The following ACTR3B variants were observed in gnomAD, a reference collection of about 807,000 sequenced individuals.
ACTR3B encodes actin-related protein 3B.
A neutral mutation model predicts 59.0 loss-of-function variants in ACTR3B; 8 were observed. The ratio of observed to expected loss-of-function variants is 0.14; its 90% CI spans 0.08 to 0.24. The LOEUF is 0.24. ACTR3B is among the 10% of genes least tolerant of loss of function. The probability of loss-of-function intolerance (pLI) is 1.00; values close to 1 mark genes in which losing one functional copy is unlikely to be tolerated. For synonymous variants in ACTR3B, 148 were observed against 197.9 expected, an observed-to-expected ratio of 0.75 and a Z score of 2.12; for missense variants, 245 against 552.3, an observed-to-expected ratio of 0.44 and a Z score of 5.58.
chr7:152,835,696 C>A lies in ACTR3B; in HGVS notation c.951+10574C>A, dbSNP rs148963719. 6.3e-4 allele frequency among the ~76,000 whole-genome samples: 96 copies of A among 152,298 alleles called. 1 individual carries two copies. The highest frequency in any genetic ancestry group is 2.2e-3 in the African/African-American group (92 of 41,566). ...GTCTTCTAGTGAGGCGTCCTGACCA[C>A]CCTGCTCTAGACTGCACCTCGGCGC... On this transcript the variant is annotated intron_variant, in intron 9 of 11. Coordinates refer to ENST00000256001, the MANE Select transcript of ACTR3B (RefSeq NM_020445.6).
intron 1 of ACTR3B, among the ~76,000 whole-genome samples, chr7:152,775,867 T>C (rs1231084584): frequency 1.3e-5 from 2 of 152,212 alleles, no homozygotes; most frequent in Non-Finnish European, 2.9e-5. Context: ...AATGAGGTAG[T>C]GTAAGACTTC....
chr7:152,786,732 G>T (rs2098176027), intron 2 of ACTR3B, among the ~76,000 whole-genome samples: 1 of 151,606 alleles, frequency 6.6e-6, no homozygotes. Context: ...CTTTCCTCTG[G>T]TGGATATTTT....
chr7:152,767,273 C>G (rs1425681215), intron 1 of ACTR3B, among the ~76,000 whole-genome samples: 3 of 152,166 alleles, frequency 2.0e-5, no homozygotes. Context: ...ACTGGAGATG[C>G]TGCCTTTATC....
At chr7:152,847,516 A>G (rs1355142974) in intron 9 of ACTR3B, among the ~76,000 whole-genome samples, 1 of 152,178 alleles carries the variant, frequency 6.6e-6, no homozygotes, top group Admixed American at 6.5e-5. Flanking sequence ...TGTCCTTAGA[A>G]ACCCACACCC....
intron 2 of ACTR3B, among the ~76,000 whole-genome samples, chr7:152,798,862 T>G (rs1173828018): frequency 6.6e-6 from 1 of 152,246 alleles, no homozygotes; most frequent in Non-Finnish European, 1.5e-5. Flanking sequence ...ATGTCTGTTT[T>G]TATACCAGTA....
chr7:152,780,172 G>A (rs567981560), intron 1 of ACTR3B, among the ~76,000 whole-genome samples: 1 of 152,148 alleles, frequency 6.6e-6, no homozygotes, highest in East Asian at 1.9e-4. Flanking sequence ...CCAACATGGT[G>A]AAACCCCATC....
At chr7:152,766,743 G>A (rs1243689390) in intron 1 of ACTR3B, among the ~76,000 whole-genome samples, 1 of 152,036 alleles carries the variant, frequency 6.6e-6, no homozygotes, top group Non-Finnish European at 1.5e-5. Context: ...AGTTAAGAAA[G>A]GTTTTTTTCA....
chr7:152,769,440 T>TA (rs2098118946), intron 1 of ACTR3B, among the ~76,000 whole-genome samples: 1 of 151,944 alleles, frequency 6.6e-6, no homozygotes, highest in African/African-American at 2.4e-5. Context: ...GTTTGTCTGA[T>TA]ATAGATATAT....
At chr7:152,794,517 T>C (rs1178644657) in intron 2 of ACTR3B, among the ~76,000 whole-genome samples, 1 of 152,208 alleles carries the variant, frequency 6.6e-6, no homozygotes, top group African/African-American at 2.4e-5. Context: ...TGCCCGGCTA[T>C]CTTTACAATC....
intron 1 of ACTR3B, among the ~76,000 whole-genome samples, chr7:152,770,123 A>T (rs1025979364): frequency 6.6e-6 from 1 of 151,942 alleles, no homozygotes; most frequent in Non-Finnish European, 1.5e-5. Context: ...TTTATTGGGC[A>T]TATGGTGCTA....
At chr7:152,822,090 A>G (rs1796214240) in intron 7 of ACTR3B, among the ~76,000 whole-genome samples, 1 of 152,206 alleles carries the variant, frequency 6.6e-6, no homozygotes, top group East Asian at 1.9e-4. Context: ...TGAGGTTGTA[A>G]TCAGCTGACC....
At chr7:152,815,461 G>T (rs1795614267) in intron 5 of ACTR3B, among the ~76,000 whole-genome samples, 1 of 152,168 alleles carries the variant, frequency 6.6e-6, no homozygotes, top group Admixed American at 6.5e-5. Context: ...TAAGACTGGT[G>T]GTTCTCGAAG....
chr7:152,783,582 G>A (rs1171550494), intron 2 of ACTR3B, among the ~76,000 whole-genome samples: 1 of 151,546 alleles, frequency 6.6e-6, no homozygotes, highest in South Asian at 2.1e-4. Context: ...AATATCTCTT[G>A]TACTACACTA....
intron 9 of ACTR3B, among the ~76,000 whole-genome samples, chr7:152,836,976 GC>G (rs1469730460): frequency 1.3e-5 from 2 of 152,176 alleles, no homozygotes; most frequent in African/African-American, 4.8e-5. Context: ...CTGGAAACCA[GC>G]CTGGTTGACA....
At chr7:152,850,023 G>A (rs115004118) in intron 9 of ACTR3B, among the ~76,000 whole-genome samples, 2,317 of 152,052 alleles carry the variant, frequency 0.015, 54 homozygotes, top group African/African-American at 0.051. Context: ...CAGATCACTG[G>A]TCGCTTCTCC....
intron 9 of ACTR3B, among the ~76,000 whole-genome samples, chr7:152,840,222 C>T (rs1354149675): frequency 7.6e-6 from 1 of 131,552 alleles, no homozygotes; most frequent in Non-Finnish European, 1.7e-5. Flanking sequence ...AGGGCCCCTG[C>T]TTACCGAGCG....
At chr7:152,800,185 T>C (rs2098230535) in intron 2 of ACTR3B, among the ~76,000 whole-genome samples, 1 of 152,276 alleles carries the variant, frequency 6.6e-6, no homozygotes, top group Non-Finnish European at 1.5e-5. Context: ...CCCTTCTATA[T>C]TGTATTTTAA....
intron 9 of ACTR3B, among the ~76,000 whole-genome samples, chr7:152,829,057 T>TATATATACACAC (rs1390377342): frequency 6.9e-6 from 1 of 144,776 alleles, no homozygotes; most frequent in South Asian, 2.3e-4. Flanking sequence ...TATATATATA[T>TATATATACACAC]ACACACACAC....
chr7:152,763,895 T>C (rs575673910), intron 1 of ACTR3B, among the ~76,000 whole-genome samples: 7 of 152,374 alleles, frequency 4.6e-5, no homozygotes, highest in Non-Finnish European at 4.4e-5. Flanking sequence ...GTTCAAAGAA[T>C]GATAATCCAT....
Sources: gnomAD v4.1 joint callset for allele counts (sites outside exome capture counted in the v4.1 genomes callset) on GRCh38, gnomAD v4.1.1 for gene constraint, MANE v1.5 for transcripts, NCBI Gene and HGNC (gene_info 2026-07-23, HGNC 2026-07-21) for gene names.